The following P3H2 variants were observed in gnomAD, a reference collection of about 807,000 sequenced individuals.
P3H2 encodes the protein prolyl 3-hydroxylase 2.
Under a neutral mutation model 87.0 loss-of-function variants are expected in P3H2, and 80 were observed. The observed-to-expected ratio is 0.92, with a 90% CI of 0.77 to 1.11. The LOEUF is 1.11. P3H2 is among the 50% of genes least tolerant of loss of function. The pLI is 0.00. For missense variants in P3H2, 1,001 were observed against 923.9 expected (o/e 1.08, Z -1.08); for synonymous variants, 367 against 359.3 (o/e 1.02, Z -0.24).
At chr3:189,982,524 G>A (rs555345365) in intron 8 of P3H2, among the ~76,000 whole-genome samples, 9 of 152,176 alleles carry the variant, frequency 5.9e-5, no homozygotes, top group Middle Eastern at 3.4e-3. Context: ...CCTTTGCTCC[G>A]TTTCTTTTAA....
chr3:190,008,272 G>A (rs774152811), intron 1 of P3H2, among the ~76,000 whole-genome samples: 1 of 151,970 alleles, frequency 6.6e-6, no homozygotes, highest in African/African-American at 2.4e-5. Flanking sequence ...TTCTTCAGCA[G>A]GGAAATTAAG....
At chr3:190,007,986 A>ATATATATATATATATATATATATATATAT (rs1560359925) in intron 1 of P3H2, among the ~76,000 whole-genome samples, 5 of 141,616 alleles carry the variant, frequency 3.5e-5, no homozygotes, top group African/African-American at 8.0e-5. Flanking sequence ...ATATATATAT[A>ATATATATATATATATATATATATATATAT]GTAAACTTCA....
intron 4 of P3H2, 122 bp downstream of exon 4, chr3:189,988,785 A>G (rs1723785573): frequency 1.6e-6 from 2 of 1,268,356 alleles, no homozygotes; most frequent in East Asian, 2.3e-5. Context: ...GAAGAAATGC[A>G]TAAATTCCTA....
At chr3:190,051,650 A>G (rs1469224273) in intron 1 of P3H2, among the ~76,000 whole-genome samples, 2 of 152,270 alleles carry the variant, frequency 1.3e-5, no homozygotes, top group African/African-American at 4.8e-5. Context: ...AACACAAAAA[A>G]TAACAGAAAC....
chr3:190,106,608 G>A (rs368714414), intron 1 of P3H2, among the ~76,000 whole-genome samples: 5 of 151,244 alleles, frequency 3.3e-5, no homozygotes, highest in African/African-American at 9.7e-5. Flanking sequence ...TCATTTTCCC[G>A]ATACAAAATT....
intron 1 of P3H2, among the ~76,000 whole-genome samples, chr3:190,070,465 T>C (rs1726664391): frequency 6.6e-6 from 1 of 152,124 alleles, no homozygotes; most frequent in African/African-American, 2.4e-5. Flanking sequence ...GTCATAAAAA[T>C]GTGAAAGTGT....
At chr3:190,019,367 C>T (rs1157068574) in intron 1 of P3H2, among the ~76,000 whole-genome samples, 3 of 152,124 alleles carry the variant, frequency 2.0e-5, no homozygotes, top group Non-Finnish European at 4.4e-5. Flanking sequence ...ATTCAGAATA[C>T]CTGAGAGAGT....
chr3:189,970,404 T>A (rs868645562), intron 13 of P3H2, among the ~76,000 whole-genome samples: 1 of 150,590 alleles, frequency 6.6e-6, no homozygotes, highest in African/African-American at 2.4e-5. Context: ...TGAAGGCCAA[T>A]GCTCAGTCCA....
chr3:190,095,744 G>A (rs1727559874), intron 1 of P3H2, among the ~76,000 whole-genome samples: 1 of 151,878 alleles, frequency 6.6e-6, no homozygotes, highest in Admixed American at 6.6e-5. Context: ...GGGACTACAG[G>A]CGCCCGCCAC....
rs550784725 is a variant in P3H2 at position 190,120,621 on chromosome 3, C to G, written c.111G>C (p.Glu37Asp). 5.2e-6 allele frequency: 8 copies of G among 1,531,838 alleles called. No individual in the cohort carries two copies. The South Asian group carries it at 7.2e-5, about 14-fold the overall frequency. 94.9% of individuals were successfully genotyped at this position (1,531,838 alleles called of 1,614,324 possible). ...GGTCGAAGGGCTGCAGAGGCCCGGG[C>G]TCCAGCTCCAGCTCCCGGCGTGGGC... ...PDSPRRELEL[E>D]PGPLQPFDLL... The change falls in exon 1 of 15, where the codon GAG becomes GAC. Residue 37 changes from glutamate (E) to aspartate (D), a missense_variant. By Grantham distance (45) the Glu-to-Asp change is conservative. Transcript: ENST00000319332.
rs546748966 is a variant in P3H2, at chr3:190,082,482, G to C, written c.480+37770C>G. Reference sequence around the variant, plus strand: ...AGTTTGAAGGTACATATGATATTTTGATATATGTACAAGGTAGAACAATCA... The same window carrying C: ...AGTTTGAAGGTACATATGATATTTTCATATATGTACAAGGTAGAACAATCA... On this transcript the variant is annotated intron_variant, in intron 1 of 14. Coordinates refer to ENST00000319332, the MANE Select transcript of P3H2 (RefSeq NM_018192.4). Among the ~76,000 whole-genome samples the C allele has an allele frequency of 3.0e-4, 46 of 152,236 alleles. 1 individual carries two copies. In the South Asian group the frequency reaches 9.6e-3, roughly 32 times the overall value.
At chr3:190,120,904 C>T, upstream of P3H2, 1 of 1,046,706 alleles carries the variant, frequency 9.6e-7, no homozygotes, top group Non-Finnish European at 1.3e-6. Flanking sequence ...AGGCGGAGGC[C>T]GTGCCTGGCC....
chr3:190,070,770 C>T (rs563198870), intron 1 of P3H2, among the ~76,000 whole-genome samples: 1 of 152,164 alleles, frequency 6.6e-6, no homozygotes. Context: ...TTTCCATGAC[C>T]TCAAACTTGC....
chr3:190,098,434 A>T (rs1285252041), intron 1 of P3H2, among the ~76,000 whole-genome samples: 1 of 152,208 alleles, frequency 6.6e-6, no homozygotes, highest in Non-Finnish European at 1.5e-5. Flanking sequence ...AATTTTCCGT[A>T]GTTGCTATAA....
chr3:189,986,641 T>C (rs1411655286), intron 6 of P3H2, 147 bp downstream of exon 6: 5 of 669,158 alleles, frequency 7.5e-6, no homozygotes, highest in Non-Finnish European at 1.4e-5. Context: ...ATTGAGTAAA[T>C]ATCTCCCACC....
intron 1 of P3H2, among the ~76,000 whole-genome samples, chr3:190,117,950 G>A (rs1247735989): frequency 1.3e-5 from 2 of 152,196 alleles, no homozygotes; most frequent in Non-Finnish European, 2.9e-5. Context: ...AATATTGCTG[G>A]TAGAACTGAA....
At chr3:190,065,308 C>T (rs1180189034) in intron 1 of P3H2, among the ~76,000 whole-genome samples, 1 of 152,130 alleles carries the variant, frequency 6.6e-6, no homozygotes, top group Non-Finnish European at 1.5e-5. Context: ...TAAAAACCTT[C>T]CATGGAATCC....
chr3:189,986,946 A>G (rs900411853), intron 5 of P3H2, 69 bp from the exon 6 acceptor site: 2 of 1,029,112 alleles, frequency 1.9e-6, no homozygotes. Context: ...ATAAATGTTC[A>G]GGTGGCAATA....
At chr3:190,087,822 TCTGGC>T (rs1193986912) in intron 1 of P3H2, among the ~76,000 whole-genome samples, 1 of 152,172 alleles carries the variant, frequency 6.6e-6, no homozygotes, top group Non-Finnish European at 1.5e-5. Context: ...CAAAAATTGT[TCTGGC>T]TTACTGTAAG....
Sources: allele counts gnomAD v4.1 joint callset (sites outside exome capture counted in the v4.1 genomes callset), GRCh38; gene constraint gnomAD v4.1.1; transcripts MANE v1.5; gene names NCBI Gene and HGNC (gene_info 2026-07-23, HGNC 2026-07-21).